The following SCN9A variants were observed in gnomAD, a reference collection of about 807,000 sequenced individuals.
SCN9A encodes sodium voltage-gated channel alpha subunit 9.
SCN9A carries 131 observed loss-of-function variants against 187.0 expected under a neutral mutation model. The ratio of observed to expected loss-of-function variants is 0.70; its 90% confidence interval spans 0.61 to 0.81. The LOEUF is 0.81. SCN9A is among the 30% of genes least tolerant of loss of function. The pLI is 0.00. For synonymous variants in SCN9A, 809 were observed against 808.6 expected, an observed-to-expected ratio of 1.00 and a Z score of -0.01; for missense variants, 2,252 against 2,396.6, an observed-to-expected ratio of 0.94 and a Z score of 1.26.
At chr2:166,269,326 C>A (rs991204426) in intron 17 of SCN9A, among the ~76,000 whole-genome samples, 1 of 151,940 alleles carries the variant, frequency 6.6e-6, no homozygotes, top group Admixed American at 6.6e-5. Context: ...GATAGCTAAC[C>A]ATTATGACAA....
At chr2:166,289,204 T>G (rs1260736973) in intron 9 of SCN9A, among the ~76,000 whole-genome samples, 2 of 151,956 alleles carry the variant, frequency 1.3e-5, no homozygotes, top group Non-Finnish European at 2.9e-5. Context: ...ACAGAGATTT[T>G]TTTTTCTTTT....
chr2:166,244,275 C>T (rs1574793509), intron 18 of SCN9A, among the ~76,000 whole-genome samples: 1 of 151,838 alleles, frequency 6.6e-6, no homozygotes, highest in African/African-American at 2.4e-5. Context: ...TGAGGTCACA[C>T]AAAAAGAGTA....
At chr2:166,274,435 T>C (rs1243023423) in intron 16 of SCN9A, among the ~76,000 whole-genome samples, 3 of 152,150 alleles carry the variant, frequency 2.0e-5, no homozygotes, top group Admixed American at 2.0e-4. Flanking sequence ...TTTCCAAATG[T>C]TTTCCTAAAC....
intron 26 of SCN9A, among the ~76,000 whole-genome samples, chr2:166,201,713 G>GTA (rs899757965): frequency 2.0e-5 from 3 of 150,232 alleles, no homozygotes; most frequent in Admixed American, 6.7e-5. Context: ...GTGTGTATGT[G>GTA]TATATATATA....
In SCN9A at chr2:166,300,709, A is replaced by G. The variant is rs1227441570; in HGVS notation, c.901+2381T>C. Among the ~76,000 whole-genome samples the G allele has an allele frequency of 6.0e-5, 9 of 151,060 alleles. No individual in the cohort carries two copies. In the East Asian group the frequency reaches 1.5e-3, roughly 26 times the overall value. On this transcript the variant is annotated intron_variant, in intron 7 of 26. Coordinates refer to ENST00000642356, the MANE Select transcript of SCN9A (RefSeq NM_001365536.1). ...AAATGGCTTCTATGACATAGGAAACAGAAGCAAAATTCAGACTTGATTTAA... is the reference window on the plus strand; with the variant it reads ...AAATGGCTTCTATGACATAGGAAACGGAAGCAAAATTCAGACTTGATTTAA...
chr2:166,294,598 C>A lies in SCN9A; in HGVS notation c.965+1G>T, dbSNP rs1698219355. 2 of 1,606,924 alleles carry A rather than the reference C, an allele frequency of 1.2e-6. No homozygotes were observed. The highest frequency in any genetic ancestry group is 1.7e-6 in the Non-Finnish European group (2 of 1,174,584). On this transcript the variant is annotated splice_donor_variant, in intron 8 of 26. Transcript: ENST00000642356. LOFTEE classifies it high-confidence loss of function. Reference sequence around the variant, plus strand: ...CTAAAAAGAAAACAAATATTACATACCCTGAATCTGTGCTGAAACCACAAA... The same window carrying A: ...CTAAAAAGAAAACAAATATTACATAACCTGAATCTGTGCTGAAACCACAAA...
At chr2:166,254,037 A>T (rs140227053) in intron 17 of SCN9A, among the ~76,000 whole-genome samples, 2 of 151,780 alleles carry the variant, frequency 1.3e-5, no homozygotes, top group South Asian at 4.1e-4. Context: ...AAATTAGATT[A>T]TGAGCAAGTA....
At chr2:166,282,315 G>A (rs1246182710) in intron 12 of SCN9A, among the ~76,000 whole-genome samples, 1 of 152,122 alleles carries the variant, frequency 6.6e-6, no homozygotes, top group East Asian at 1.9e-4. Flanking sequence ...TTACTGCCAA[G>A]GAAGACCTCA....
chr2:166,231,008 A>G (rs1695058394), intron 21 of SCN9A, among the ~76,000 whole-genome samples: 1 of 152,196 alleles, frequency 6.6e-6, no homozygotes, highest in Non-Finnish European at 1.5e-5. Flanking sequence ...GGCATGAATA[A>G]ATGTCTCTTT....
At chr2:166,338,270 C>A (rs1370954641) in intron 1 of SCN9A, among the ~76,000 whole-genome samples, 1 of 152,112 alleles carries the variant, frequency 6.6e-6, no homozygotes, top group Non-Finnish European at 1.5e-5. Flanking sequence ...AAGGGACATG[C>A]CCACTTACAG....
At position 166,272,591 on chromosome 2, in the gene SCN9A, G is replaced by C. The variant is rs371074969; in HGVS notation, c.3159C>G (p.Leu1053=). 2 of 1,613,260 alleles carry C rather than the reference G, an allele frequency of 1.2e-6. No homozygotes were observed. The highest frequency in any genetic ancestry group is 1.7e-6 in the Non-Finnish European group (2 of 1,179,740). ...LAEMSKGHNF[L]KEKDKISGFG... ...AACCACTGATTTTATCTTTTTCCTT[G>C]AGGAAATTGTGACCTTTGCTCATTT... is the stretch of plus-strand genomic sequence containing the variant. The change falls in exon 17 of 27, where the codon CTC becomes CTG. Residue 1053 remains leucine (L), a synonymous_variant. Transcript: ENST00000642356.
chr2:166,211,721 TATAAG>T (rs57484182), intron 24 of SCN9A, among the ~76,000 whole-genome samples: 17,548 of 151,918 alleles, frequency 0.12, 1,285 homozygotes, highest in African/African-American at 0.21. Flanking sequence ...AGTAGACTAT[TATAAG>T]ATATTTGTGA....
intron 24 of SCN9A, among the ~76,000 whole-genome samples, chr2:166,221,691 C>T (rs1253843399): frequency 6.6e-6 from 1 of 152,152 alleles, no homozygotes; most frequent in Non-Finnish European, 1.5e-5. Flanking sequence ...AGCCATTGCA[C>T]CCAGTCCCCA....
chr2:166,274,049 T>A (rs1697119330), intron 16 of SCN9A, among the ~76,000 whole-genome samples: 1 of 152,198 alleles, frequency 6.6e-6, no homozygotes, highest in Non-Finnish European at 1.5e-5. Flanking sequence ...TATTTCACTA[T>A]GAAATACATG....
In SCN9A at chr2:166,361,113, G is replaced by T. The variant is rs1318283024; in HGVS notation, c.-51+14584C>A. On this transcript the variant is annotated intron_variant, in intron 1 of 26. Transcript: ENST00000642356. ...TATATAGCAAACCGGAGCTGAAAATGATAATCCTTTAAGGTTATTTTAGTG... is the reference window on the plus strand; with the variant it reads ...TATATAGCAAACCGGAGCTGAAAATTATAATCCTTTAAGGTTATTTTAGTG... 3.3e-5 allele frequency among the ~76,000 whole-genome samples: 5 copies of T among 151,778 alleles called. No individual in the cohort carries two copies. In the East Asian group the frequency reaches 9.6e-4, roughly 29 times the overall value.
rs35669204 is a variant in SCN9A at position 166,255,118 on chromosome 2, G to GGA, written c.3352-3235_3352-3234dup. On this transcript the variant is annotated intron_variant, in intron 17 of 26. Coordinates refer to ENST00000642356, the MANE Select transcript of SCN9A (RefSeq NM_001365536.1). The stretch of plus-strand genomic sequence containing the variant: ...ATCGAGAGAGAGAAAAAGAGAGAGA[G>GGA]GAGAGAGAGAGAGAGAGAGAGAGAG... Among the ~76,000 whole-genome samples the GGA allele has an allele frequency of 6.6e-3, 981 of 147,610 alleles. 5 individuals are homozygous for GGA. The Middle Eastern group carries it at 0.07, about 11-fold the overall frequency.
chr2:166,297,623 G>A (rs538396571), intron 7 of SCN9A, among the ~76,000 whole-genome samples: 1 of 151,426 alleles, frequency 6.6e-6, no homozygotes, highest in East Asian at 2.0e-4. Context: ...AGGGAAATGG[G>A]GAATGACTAC....
intron 1 of SCN9A, among the ~76,000 whole-genome samples, chr2:166,360,578 G>A (rs1007711514): frequency 1.3e-5 from 2 of 152,244 alleles, no homozygotes; most frequent in Non-Finnish European, 1.5e-5. Context: ...CATGATTTAG[G>A]AGAAAGTGCA....
At chr2:166,339,010 T>C (rs1209207752) in intron 1 of SCN9A, among the ~76,000 whole-genome samples, 4 of 152,054 alleles carry the variant, frequency 2.6e-5, no homozygotes, top group African/African-American at 9.7e-5. Context: ...TGGCTTAGAG[T>C]ATGTACCTGT....
Sources: gnomAD v4.1 joint callset for allele counts (sites outside exome capture counted in the v4.1 genomes callset) on GRCh38, gnomAD v4.1.1 for gene constraint, MANE v1.5 for transcripts, NCBI Gene and HGNC (gene_info 2026-07-23, HGNC 2026-07-21) for gene names.